Variants in STXBP5 observed in about 807,000 individuals in gnomAD.
The protein encoded by STXBP5 is syntaxin-binding protein 5.
STXBP5 carries 50 observed loss-of-function variants against 152.4 expected under a neutral mutation model. The ratio of observed to expected loss-of-function variants is 0.33; its 90% CI spans 0.26 to 0.42. The LOEUF is 0.42. Among genes scored for constraint, STXBP5 ranks in the 10% least tolerant of loss-of-function variants. The pLI, the probability that STXBP5 is intolerant of heterozygous loss-of-function variation, is 1.00. For missense variants in STXBP5, 1,167 were observed against 1,388.6 expected (o/e 0.84, Z 2.54); for synonymous variants, 492 against 494.7 (o/e 0.99, Z 0.07).
intron 23 of STXBP5, 69 bp from the exon 24 acceptor site, chr6:147,363,266 A>G: frequency 7.0e-7 from 1 of 1,436,200 alleles, no homozygotes; most frequent in Non-Finnish European, 9.3e-7. Context: ...TGTATGTCAA[A>G]GTTAGAATAA....
intron 16 of STXBP5, among the ~76,000 whole-genome samples, chr6:147,319,214 CTT>C (rs973913153): frequency 4.6e-5 from 7 of 150,842 alleles, no homozygotes; most frequent in Admixed American, 7.0e-5. Flanking sequence ...CATTAAAACT[CTT>C]TTATTTTTCA....
chr6:147,253,137 G>A (rs1779183071), intron 4 of STXBP5, among the ~76,000 whole-genome samples: 1 of 152,112 alleles, frequency 6.6e-6, no homozygotes, highest in African/African-American at 2.4e-5. Flanking sequence ...TCATCCCTGG[G>A]ATGCAAGGCC....
At chr6:147,349,768 T>C (rs764848594) in intron 21 of STXBP5, among the ~76,000 whole-genome samples, 1 of 152,324 alleles carries the variant, frequency 6.6e-6, no homozygotes, top group East Asian at 1.9e-4. Flanking sequence ...TACAGACATA[T>C]GCCCAGTAGA....
intron 8 of STXBP5, among the ~76,000 whole-genome samples, chr6:147,286,772 A>G (rs887189140): frequency 6.6e-6 from 1 of 152,122 alleles, no homozygotes; most frequent in East Asian, 1.9e-4. Flanking sequence ...ATCATTATAC[A>G]TAAATGAGAT....
chr6:147,314,182 TACACACACAC>T (rs5880705), intron 12 of STXBP5, 72 bp from the exon 13 acceptor site: 114 of 945,270 alleles, frequency 1.2e-4, no homozygotes, highest in African/African-American at 2.3e-4. Context: ...CTGGATTATT[TACACACACAC>T]ACACACACAC....
At chr6:147,259,569 A>T (rs1779546552) in intron 4 of STXBP5, among the ~76,000 whole-genome samples, 1 of 152,184 alleles carries the variant, frequency 6.6e-6, no homozygotes, top group African/African-American at 2.4e-5. Flanking sequence ...TCATCTTGAA[A>T]ATCTCTGTAA....
intron 21 of STXBP5, among the ~76,000 whole-genome samples, chr6:147,348,278 C>T (rs1364706444): frequency 6.6e-6 from 1 of 152,050 alleles, no homozygotes; most frequent in Non-Finnish European, 1.5e-5. Context: ...AGATAGATGC[C>T]TCTTCATGCA....
At chr6:147,338,558 G>A (rs1019633177) in intron 19 of STXBP5, among the ~76,000 whole-genome samples, 2 of 151,574 alleles carry the variant, frequency 1.3e-5, no homozygotes, top group African/African-American at 4.8e-5. Flanking sequence ...AGAAATGTTA[G>A]GTAAGATTAT....
At chr6:147,349,779 TA>T (rs1276323256) in intron 21 of STXBP5, among the ~76,000 whole-genome samples, 23 of 152,210 alleles carry the variant, frequency 1.5e-4, no homozygotes, top group African/African-American at 5.3e-4. Context: ...GCCCAGTAGA[TA>T]TTTAATAAAT....
In STXBP5 at chr6:147,280,692, T is replaced by A. The variant is rs184447112; in HGVS notation, c.838+2488T>A. Among the ~76,000 whole-genome samples the A allele has an allele frequency of 4.1e-4, 62 of 152,288 alleles. No individual in the cohort carries two copies. In the Middle Eastern group the frequency reaches 0.017, roughly 42 times the overall value. Reference sequence around the variant, plus strand: ...TTTTTATATTACAAGCTTAGGTCATTGAAAGCAGACTCTAGTAAGTGGTAT... The same window carrying A: ...TTTTTATATTACAAGCTTAGGTCATAGAAAGCAGACTCTAGTAAGTGGTAT... On this transcript the variant is annotated intron_variant, in intron 8 of 27. Transcript: ENST00000321680.
At chr6:147,263,467 TAAGCACAA>T (rs1458170726) in intron 6 of STXBP5, among the ~76,000 whole-genome samples, 1 of 151,644 alleles carries the variant, frequency 6.6e-6, no homozygotes, top group Non-Finnish European at 1.5e-5. Context: ...GCTGGGATTA[TAAGCACAA>T]GCCACTGTGC....
intron 8 of STXBP5, among the ~76,000 whole-genome samples, chr6:147,280,988 C>A (rs1780672899): frequency 6.6e-6 from 1 of 152,004 alleles, no homozygotes; most frequent in South Asian, 2.1e-4. Flanking sequence ...AATCTGAATT[C>A]CTTTCAAGTG....
intron 21 of STXBP5, among the ~76,000 whole-genome samples, chr6:147,341,914 G>A (rs1223508831): frequency 1.3e-5 from 2 of 152,154 alleles, no homozygotes; most frequent in East Asian, 3.9e-4. Context: ...TAATCCCAGC[G>A]GGTTAGTTAC....
At chr6:147,234,363 G>GT (rs376969191) in intron 2 of STXBP5, among the ~76,000 whole-genome samples, 3,193 of 150,620 alleles carry the variant, frequency 0.021, 112 homozygotes, top group African/African-American at 0.074. Context: ...CAAATGTACA[G>GT]TTTTTTTTTC....
At chr6:147,341,395 T>A (rs909762324) in intron 21 of STXBP5, among the ~76,000 whole-genome samples, 4 of 152,190 alleles carry the variant, frequency 2.6e-5, no homozygotes, top group African/African-American at 9.6e-5. Flanking sequence ...TTGAGCATTC[T>A]GAACTCACCG....
chr6:147,286,738 G>A (rs946961187), intron 8 of STXBP5, among the ~76,000 whole-genome samples: 1 of 151,920 alleles, frequency 6.6e-6, no homozygotes, highest in African/African-American at 2.4e-5. Flanking sequence ...CCAAAAAGAC[G>A]GATAGTTTTT....
intron 21 of STXBP5, among the ~76,000 whole-genome samples, chr6:147,350,624 AT>A (rs540990908): frequency 3.0e-4 from 45 of 152,022 alleles, no homozygotes; most frequent in African/African-American, 7.5e-4. Context: ...TTTGTGCTAA[AT>A]TTTTTTTATG....
intron 23 of STXBP5, among the ~76,000 whole-genome samples, chr6:147,362,561 G>T (rs1785113613): frequency 2.0e-5 from 3 of 152,148 alleles, no homozygotes; most frequent in South Asian, 4.1e-4. Flanking sequence ...TTTGACAGTT[G>T]TTGTAAATCA....
chr6:147,260,839 G>A (rs148747252), intron 5 of STXBP5, 90 bp downstream of exon 5: 1 of 1,421,958 alleles, frequency 7.0e-7, no homozygotes, highest in Non-Finnish European at 9.5e-7. Context: ...AATCTGTATG[G>A]AATTAAATAT....
Sources: allele counts gnomAD v4.1 joint callset (sites outside exome capture counted in the v4.1 genomes callset), GRCh38; gene constraint gnomAD v4.1.1; transcripts MANE v1.5; gene names NCBI Gene and HGNC (gene_info 2026-07-23, HGNC 2026-07-21).